Variants in ELF4 observed in about 807,000 individuals in gnomAD.
ELF4 encodes the protein ETS-related transcription factor Elf-4.
Under a neutral mutation model 31.7 loss-of-function variants are expected in ELF4, and 10 were observed. The ratio of observed to expected loss-of-function variants is 0.32; its 90% CI spans 0.19 to 0.54. The LOEUF is 0.54. Among genes scored for constraint, ELF4 ranks in the 20% least tolerant of loss-of-function variants. The pLI is 0.95. For missense variants in ELF4, 418 were observed against 522.0 expected (o/e 0.80, Z 1.94); for synonymous variants, 208 against 226.7 (o/e 0.92, Z 0.74).
chrX:130,076,786 T>C (rs1245588499), intron 2 of ELF4, among the ~76,000 whole-genome samples: 1 of 112,287 alleles, frequency 8.9e-6, no homozygotes, highest in Non-Finnish European at 1.9e-5. Flanking sequence ...TTTCTACTTT[T>C]TTGTATTTTC....
intron 1 of ELF4, among the ~76,000 whole-genome samples, chrX:130,101,851 G>C (rs866537321): frequency 1.0e-4 from 9 of 89,645 alleles, no homozygotes; most frequent in Non-Finnish European, 1.5e-4. Context: ...CAAAAACAAG[G>C]CCAGACTGGG....
intron 1 of ELF4, among the ~76,000 whole-genome samples, chrX:130,100,471 C>G: frequency 0.034 from 1 of 29 alleles, no homozygotes; most frequent in South Asian, 1. Context: ...GGGCTTGAAG[C>G]CCAGTTGGTC....
chrX:130,101,660 G>A (rs34540378), intron 1 of ELF4, among the ~76,000 whole-genome samples: 1,117 of 109,983 alleles, frequency 0.01, 9 homozygotes, highest in African/African-American at 0.033. Flanking sequence ...GTGTGGTGGC[G>A]CATGACTGTA....
chrX:130,095,452 CT>C (rs1479597467), intron 1 of ELF4, among the ~76,000 whole-genome samples: 2 of 112,162 alleles, frequency 1.8e-5, no homozygotes, highest in Non-Finnish European at 3.8e-5. Flanking sequence ...GAAGTCCCTG[CT>C]TTTTCCTCTG....
intron 1 of ELF4, among the ~76,000 whole-genome samples, chrX:130,085,400 G>A (rs1268663035): frequency 9.0e-6 from 1 of 111,571 alleles, no homozygotes; most frequent in Non-Finnish European, 1.9e-5. Flanking sequence ...AAGTGGTTTG[G>A]GCTGCTCCTG....
rs754823694 is a variant in ELF4, at chrX:130,067,177, G to C, written c.1536C>G (p.Pro512=). Residue 512 remains proline (P), a synonymous_variant, in exon 9 of 9, where the codon CCC becomes CCG. Coordinates refer to ENST00000308167, the MANE Select transcript of ELF4 (RefSeq NM_001421.4). ...TGACAGTCCCAGGGGGCTGAGAGCT[G>C]GGCCCTGCTGGTCCAGCCCCTGTGA... is the stretch of plus-strand genomic sequence containing the variant. ...PTVTGAGPAG[P]SSQPPGTVIA... 1 of 1,205,181 alleles carries C rather than the reference G, an allele frequency of 8.3e-7. No individual in the cohort carries two copies. Among genetic ancestry groups the C allele is most frequent in the Non-Finnish European group, 1.1e-6 (1 of 892,080 alleles).
In ELF4 at chrX:130,106,307, C is replaced by T. The variant is rs752187631; in HGVS notation, c.-210+4018G>A. ...AGCCACTGGCCCGGCTGCTTGTCCTCGCCTCTGATTGTTTCAGTGTCTTAG... is the reference window on the plus strand; with the variant it reads ...AGCCACTGGCCCGGCTGCTTGTCCTTGCCTCTGATTGTTTCAGTGTCTTAG... On this transcript the variant is annotated intron_variant, in intron 1 of 8. Coordinates refer to ENST00000308167, the MANE Select transcript of ELF4 (RefSeq NM_001421.4). 2.7e-5 allele frequency among the ~76,000 whole-genome samples: 3 copies of T among 110,939 alleles called. No individual in the cohort carries two copies. In the South Asian group the frequency reaches 1.1e-3, roughly 42 times the overall value.
intron 5 of ELF4, among the ~76,000 whole-genome samples, chrX:130,071,621 T>C (rs1483180927): frequency 8.9e-6 from 1 of 112,260 alleles, no homozygotes; most frequent in Non-Finnish European, 1.9e-5. Flanking sequence ...ATGGCTACAA[T>C]GTGGAGAAAC....
rs201836552 is a variant in ELF4, at chrX:130,063,972, T to TTTATTATTATTATTA, written c.*2734_*2748dup. ...TGACGGCCTTTTTGTTTGCTTGATT[T>TTTATTATTATTATTA]TTATTATTATTATTATTATTATTAT... On this transcript the variant is annotated 3_prime_UTR_variant, in exon 9 of 9. Coordinates refer to ENST00000308167, the MANE Select transcript of ELF4 (RefSeq NM_001421.4). 2.1e-5 allele frequency among the ~76,000 whole-genome samples: 2 copies of TTTATTATTATTATTA among 93,325 alleles called. No individual in the cohort carries two copies. The highest frequency in any genetic ancestry group is 1.2e-4 in the Admixed American group (1 of 8,097). The allele number at this position is 93,325 out of a possible 115,157, so 81.0% of individuals were successfully genotyped here. A position where few individuals can be genotyped will look rare whatever the true frequency, so the allele number is the denominator to read the frequency against.
intron 1 of ELF4, among the ~76,000 whole-genome samples, chrX:130,090,116 G>A (rs6634768): frequency 0.093 from 10,208 of 109,563 alleles, 402 homozygotes; most frequent in East Asian, 0.2. Context: ...GCTCACGTCT[G>A]TAATCCTAGC....
At chrX:130,100,241 A>G (rs1032320362) in intron 1 of ELF4, among the ~76,000 whole-genome samples, 1 of 112,055 alleles carries the variant, frequency 8.9e-6, no homozygotes, top group African/African-American at 3.2e-5. Flanking sequence ...ATCAAGTTCC[A>G]GTCTTGGCCC....
intron 1 of ELF4, among the ~76,000 whole-genome samples, chrX:130,098,603 A>C (rs774553891): frequency 9.0e-6 from 1 of 111,290 alleles, no homozygotes; most frequent in Admixed American, 9.5e-5. Context: ...TGTCCATCCC[A>C]CCCTGGGATC....
chrX:130,091,255 C>T (rs1933052355), intron 1 of ELF4, among the ~76,000 whole-genome samples: 1 of 110,077 alleles, frequency 9.1e-6, no homozygotes, highest in South Asian at 3.8e-4. Flanking sequence ...GATGAAACCC[C>T]GTCTCTACTA....
At chrX:130,098,137 C>T (rs1933184240) in intron 1 of ELF4, among the ~76,000 whole-genome samples, 1 of 112,304 alleles carries the variant, frequency 8.9e-6, no homozygotes, top group Admixed American at 9.4e-5. Context: ...GGGGTGTGGA[C>T]GAAGGATTGC....
At chrX:130,072,177 C>CCCCCCCCAACCCA in intron 5 of ELF4, 49 bp downstream of exon 5, 4 of 1,134,407 alleles carry the variant, frequency 3.5e-6, no homozygotes, top group Non-Finnish European at 3.6e-6. Flanking sequence ...CCCCCCACGC[C>CCCCCCCCAACCCA]CCGCCCATCC....
At chrX:130,111,790 C>T (rs899731330), upstream of ELF4, among the ~76,000 whole-genome samples, 3 of 112,413 alleles carry the variant, frequency 2.7e-5, no homozygotes, top group Non-Finnish European at 5.6e-5. Context: ...CTCAGGCACG[C>T]TCCCCTTCTA....
intron 1 of ELF4, among the ~76,000 whole-genome samples, chrX:130,084,833 C>G (rs376374928): frequency 1.6e-4 from 18 of 111,899 alleles, no homozygotes; most frequent in Admixed American, 2.8e-4. Flanking sequence ...GTGAACCCCC[C>G]CTTCAGTCCT....
chrX:130,082,992 C>A (rs1198818338), intron 1 of ELF4, among the ~76,000 whole-genome samples: 1 of 110,394 alleles, frequency 9.1e-6, no homozygotes, highest in African/African-American at 3.3e-5. Context: ...AGGGGGACCA[C>A]GGTGACCTCC....
At chrX:130,093,633 CCT>C (rs1339138512) in intron 1 of ELF4, among the ~76,000 whole-genome samples, 1 of 112,268 alleles carries the variant, frequency 8.9e-6, no homozygotes, top group Admixed American at 9.4e-5. Flanking sequence ...AGGCTTTGGA[CCT>C]CTCTGCCCAG....
Sources: allele counts gnomAD v4.1 joint callset (sites outside exome capture counted in the v4.1 genomes callset), GRCh38; gene constraint gnomAD v4.1.1; transcripts MANE v1.5; gene names NCBI Gene and HGNC (gene_info 2026-07-23, HGNC 2026-07-21).